ENPP2: variants seen among roughly 807,000 people sequenced by gnomAD.
The protein encoded by ENPP2 is ectonucleotide pyrophosphatase/phosphodiesterase 2, also known as autotaxin.
ENPP2 carries 51 observed loss-of-function variants against 120.2 expected under a neutral mutation model. That is an observed-to-expected ratio of 0.42 (90% CI 0.34 to 0.54). ENPP2 has a LOEUF of 0.54. ENPP2 is among the 20% of genes least tolerant of loss of function. The probability of loss-of-function intolerance (pLI) is 0.04; values close to 1 mark genes in which losing one functional copy is unlikely to be tolerated. For missense variants in ENPP2, 920 were observed against 1,066.5 expected (o/e 0.86, Z 1.91); for synonymous variants, 365 against 366.4 (o/e 1.00, Z 0.04).
At position 119,617,477 on chromosome 8, in the gene ENPP2, A is replaced by G. The variant is rs1815545405; in HGVS notation, c.566T>C (p.Ile189Thr). ...MKKGSKVMPNIEKLRSCGTHS... is the reference protein window; with the variant it reads ...MKKGSKVMPNTEKLRSCGTHS... Reference sequence around the variant, plus strand: ...TGGAAATTACTTACTTAGTTTTTCAATATTAGGCATGACTTTGCTGCCTTT... The same window carrying G: ...TGGAAATTACTTACTTAGTTTTTCAGTATTAGGCATGACTTTGCTGCCTTT... The change falls in exon 6 of 25, where the codon ATT (isoleucine) becomes ACT (threonine). Residue 189 changes from isoleucine to threonine, a missense_variant. By Grantham distance (89) the Ile-to-Thr change is moderately conservative. Coordinates refer to ENST00000075322, the MANE Select transcript of ENPP2 (RefSeq NM_001040092.3). The G allele has an allele frequency of 4.4e-6, 7 of 1,607,714 alleles. No homozygotes were observed. Among genetic ancestry groups the G allele is most frequent in the Non-Finnish European group, 5.1e-6 (6 of 1,174,672 alleles).
chr8:119,611,496 A>G (rs1243323702), intron 8 of ENPP2, among the ~76,000 whole-genome samples: 1 of 152,186 alleles, frequency 6.6e-6, no homozygotes, highest in East Asian at 1.9e-4. Context: ...TGAGTGAGGA[A>G]GCTGTTGGCA....
At chr8:119,559,514 A>T (rs1813746280) in intron 24 of ENPP2, among the ~76,000 whole-genome samples, 1 of 152,192 alleles carries the variant, frequency 6.6e-6, no homozygotes, top group African/African-American at 2.4e-5. Flanking sequence ...TCCGGTTCTC[A>T]CACTCTGAAA....
chr8:119,627,078 C>T (rs1042840958), intron 2 of ENPP2, among the ~76,000 whole-genome samples: 4 of 151,956 alleles, frequency 2.6e-5, no homozygotes, highest in Non-Finnish European at 5.9e-5. Context: ...ATGATTAGTG[C>T]CCCTGTGGGT....
At chr8:119,671,954 G>A (rs542130909) in intron 1 of ENPP2, among the ~76,000 whole-genome samples, 1 of 152,316 alleles carries the variant, frequency 6.6e-6, no homozygotes, top group East Asian at 1.9e-4. Flanking sequence ...GTCAAAAAGA[G>A]AAAGGAAAGG....
intron 22 of ENPP2, among the ~76,000 whole-genome samples, chr8:119,565,442 C>T (rs193095675): frequency 6.6e-6 from 1 of 152,194 alleles, no homozygotes; most frequent in East Asian, 1.9e-4. Flanking sequence ...CAACCACCTA[C>T]CTCCTAATGC....
chr8:119,613,739 T>A (rs918355811), intron 8 of ENPP2, among the ~76,000 whole-genome samples: 7 of 152,184 alleles, frequency 4.6e-5, no homozygotes, highest in African/African-American at 1.7e-4. Context: ...AATTACTTTT[T>A]ATTTATAACT....
At chr8:119,605,467 T>TGTGTGTG (rs1209460755) in intron 9 of ENPP2, among the ~76,000 whole-genome samples, 3 of 142,350 alleles carry the variant, frequency 2.1e-5, no homozygotes, top group Non-Finnish European at 4.5e-5. Context: ...TGTGTGTGTA[T>TGTGTGTG]TTTTTTTTTT....
chr8:119,599,246 G>A (rs77456161), intron 11 of ENPP2, among the ~76,000 whole-genome samples: 16,122 of 152,176 alleles, frequency 0.11, 1,095 homozygotes, highest in South Asian at 0.25. Flanking sequence ...AGTGATTTAA[G>A]ACTAAGAGTG....
rs184209788 is a variant in ENPP2, at chr8:119,627,080, C to T, written c.137-360G>A. Among the ~76,000 whole-genome samples, 302 of 151,432 alleles carry T rather than the reference C, an allele frequency of 2.0e-3. 1 individual carries two copies. The highest frequency in any genetic ancestry group is 7.1e-3 in the African/African-American group (295 of 41,284). Reference sequence around the variant, plus strand: ...CTGCAAATCTGTGATGATTAGTGCCCCTGTGGGTGCTAACGATGACCACAG... The same window carrying T: ...CTGCAAATCTGTGATGATTAGTGCCTCTGTGGGTGCTAACGATGACCACAG... On this transcript the variant is annotated intron_variant, in intron 2 of 24. Coordinates refer to ENST00000075322, the MANE Select transcript of ENPP2 (RefSeq NM_001040092.3).
chr8:119,589,296 T>A lies in ENPP2; in HGVS notation c.1207+1209A>T, dbSNP rs555485717. ...CAGAGCTGAGATATGAACCCAGACA[T>A]CTGTGCCTGTCACCACCCCATGCTA... On this transcript the variant is annotated intron_variant, in intron 13 of 24. Transcript: ENST00000075322. Among the ~76,000 whole-genome samples the A allele has an allele frequency of 3.9e-5, 6 of 152,324 alleles. No homozygotes were observed. In the South Asian group the frequency reaches 1.2e-3, roughly 32 times the overall value.
intron 15 of ENPP2, among the ~76,000 whole-genome samples, chr8:119,585,792 A>G (rs1443406530): frequency 6.6e-6 from 1 of 152,246 alleles, no homozygotes; most frequent in African/African-American, 2.4e-5. Context: ...AGTCCTCTAT[A>G]AATATTGCTA....
intron 1 of ENPP2, among the ~76,000 whole-genome samples, chr8:119,659,961 T>C (rs1348298907): frequency 1.3e-5 from 2 of 152,206 alleles, no homozygotes; most frequent in Non-Finnish European, 2.9e-5. Flanking sequence ...ATAAACATCT[T>C]ATCTCACCAC....
chr8:119,627,886 A>C (rs1182357589), intron 2 of ENPP2, among the ~76,000 whole-genome samples: 1 of 143,464 alleles, frequency 7.0e-6, no homozygotes, highest in Non-Finnish European at 1.5e-5. Flanking sequence ...ATATATATAT[A>C]TATGATCTAA....
Position 119,589,916 on chromosome 8 carries a change from A to G in ENPP2, c.1207+589T>C, listed in dbSNP as rs552063217. ...AGATCATAACCTGAACATGTAAAACATAAGTGACAAGATTATTCCTGTTTA... is the reference window on the plus strand; with the variant it reads ...AGATCATAACCTGAACATGTAAAACGTAAGTGACAAGATTATTCCTGTTTA... On this transcript the variant is annotated intron_variant, in intron 13 of 24. Transcript: ENST00000075322. 3.6e-3 allele frequency among the ~76,000 whole-genome samples: 555 copies of G among 152,332 alleles called. 4 individuals carry two copies. Among genetic ancestry groups the G allele is most frequent in the African/African-American group, 0.011 (441 of 41,580 alleles).
chr8:119,585,927 G>GAC (rs34249912), intron 15 of ENPP2, among the ~76,000 whole-genome samples: 6,463 of 146,266 alleles, frequency 0.044, 131 homozygotes, highest in African/African-American at 0.063. Flanking sequence ...GGATGAAAGA[G>GAC]ACACACACAC....
chr8:119,672,158 T>C (rs189647485), intron 1 of ENPP2, among the ~76,000 whole-genome samples: 3 of 152,084 alleles, frequency 2.0e-5, no homozygotes, highest in Admixed American at 2.0e-4. Context: ...AGACAGCAAA[T>C]GCCACCCACT....
chr8:119,595,178 C>T (rs1421461992), intron 11 of ENPP2, among the ~76,000 whole-genome samples: 1 of 152,200 alleles, frequency 6.6e-6, no homozygotes, highest in Non-Finnish European at 1.5e-5. Flanking sequence ...CTTTACTCAG[C>T]AGGATGACTC....
intron 3 of ENPP2, among the ~76,000 whole-genome samples, chr8:119,623,064 T>C (rs886513995): frequency 4.6e-5 from 7 of 152,214 alleles, no homozygotes; most frequent in African/African-American, 1.7e-4. Context: ...CAGGTCTTTA[T>C]CTCTTAAAAT....
intron 1 of ENPP2, among the ~76,000 whole-genome samples, chr8:119,649,357 G>T (rs1042777658): frequency 3.3e-5 from 5 of 149,578 alleles, no homozygotes; most frequent in African/African-American, 1.2e-4. Context: ...AGCCGAGATC[G>T]TGCCAATGCA....
Sources: allele counts gnomAD v4.1 joint callset (sites outside exome capture counted in the v4.1 genomes callset), GRCh38; gene constraint gnomAD v4.1.1; transcripts MANE v1.5; gene names NCBI Gene and HGNC (gene_info 2026-07-23, HGNC 2026-07-21).